Variants in DUSP14 observed in about 807,000 individuals in gnomAD.
DUSP14 encodes dual specificity phosphatase 14, also known as dual specificity protein phosphatase 14.
A neutral mutation model predicts 13.2 loss-of-function variants in DUSP14; 5 were observed. The ratio of observed to expected loss-of-function variants is 0.38; its 90% confidence interval spans 0.20 to 0.80. DUSP14 has a LOEUF of 0.80. Among genes scored for constraint, DUSP14 ranks in the 30% least tolerant of loss-of-function variants. The pLI, the probability that DUSP14 is intolerant of heterozygous loss-of-function variation, is 0.44. For missense variants in DUSP14, 185 were observed against 264.0 expected (o/e 0.70, Z 2.07); for synonymous variants, 91 against 103.4 (o/e 0.88, Z 0.73).
intron 2 of DUSP14, among the ~76,000 whole-genome samples, 164 bp downstream of exon 2, chr17:37,510,928 G>A (rs1034938113): frequency 6.6e-6 from 1 of 151,892 alleles, no homozygotes; most frequent in African/African-American, 2.4e-5. Context: ...TGAGAGGAAC[G>A]GATGTATCTA....
Position 37,495,807 on chromosome 17 carries a change from A to G in DUSP14, c.-181+5849A>G, listed in dbSNP as rs1263455333. ...CCCGAGTAGCTGGGATTACAGGCGC[A>G]TGCCACCACGCCCAGCTAATTTTTC... On this transcript the variant is annotated intron_variant, in intron 1 of 2. Coordinates refer to ENST00000617516, the MANE Select transcript of DUSP14 (RefSeq NM_007026.4). 7.2e-5 allele frequency among the ~76,000 whole-genome samples: 11 copies of G among 151,756 alleles called. No individual in the cohort carries two copies. The East Asian group carries it at 2.1e-3, about 29-fold the overall frequency.
At chr17:37,505,635 CTTTT>C (rs35707292) in intron 1 of DUSP14, among the ~76,000 whole-genome samples, 3 of 120,946 alleles carry the variant, frequency 2.5e-5, no homozygotes, top group Admixed American at 8.5e-5. Flanking sequence ...TGGTTGTCAT[CTTTT>C]TTTTTTTTTT....
At chr17:37,488,610 T>C (rs853197), upstream of DUSP14, among the ~76,000 whole-genome samples, 31,838 of 152,172 alleles carry the variant, frequency 0.21, 3,737 homozygotes, top group East Asian at 0.55. Context: ...TGTTTTCTCT[T>C]AGATTAATTT....
At chr17:37,498,681 T>G (rs530420421) in intron 1 of DUSP14, among the ~76,000 whole-genome samples, 9 of 151,878 alleles carry the variant, frequency 5.9e-5, no homozygotes, top group Admixed American at 3.9e-4. Flanking sequence ...AATCAGTTTT[T>G]TTTTTTTTTA....
chr17:37,511,929 C>A (rs200844507), intron 2 of DUSP14, among the ~76,000 whole-genome samples: 14 of 55,704 alleles, frequency 2.5e-4, no homozygotes, highest in Non-Finnish European at 3.0e-4. Flanking sequence ...CCACCCCCCC[C>A]CCACCCCACT....
intron 1 of DUSP14, among the ~76,000 whole-genome samples, chr17:37,497,560 G>A (rs1172658311): frequency 2.0e-5 from 3 of 151,696 alleles, no homozygotes; most frequent in African/African-American, 7.3e-5. Flanking sequence ...CCAGGAGTTC[G>A]AGTCCAGCCT....
Position 37,496,492 on chromosome 17 carries a change from A to G in DUSP14, c.-181+6534A>G, listed in dbSNP as rs148721482. On this transcript the variant is annotated intron_variant, in intron 1 of 2. Coordinates refer to ENST00000617516, the MANE Select transcript of DUSP14 (RefSeq NM_007026.4). Reference sequence around the variant, plus strand: ...GGTGTTAGGCCGGGCACGGTAGCTCATGCCTGTAATCCCAGCACTTTGGGA... The same window carrying G: ...GGTGTTAGGCCGGGCACGGTAGCTCGTGCCTGTAATCCCAGCACTTTGGGA... Among the ~76,000 whole-genome samples, 1,250 of 152,216 alleles carry G rather than the reference A, an allele frequency of 8.2e-3. 4 individuals carry two copies. The highest frequency in any genetic ancestry group is 0.017 in the Middle Eastern group (5 of 294).
intron 1 of DUSP14, chr17:37,491,582 G>A (rs1298592582): frequency 1.3e-5 from 2 of 152,206 alleles, no homozygotes; most frequent in Admixed American, 1.3e-4. Context: ...TTGAACGTGT[G>A]TGTCCTGAGT....
intron 1 of DUSP14, among the ~76,000 whole-genome samples, chr17:37,504,679 G>T (rs2143096856): frequency 6.6e-6 from 1 of 152,216 alleles, no homozygotes. Flanking sequence ...CCAGACTCAA[G>T]TGACCTCCTC....
At position 37,498,314 on chromosome 17, in the gene DUSP14, C is replaced by CTTTTTTTTTT. The variant is rs765033929; in HGVS notation, c.-181+8377_-181+8386dup. On this transcript the variant is annotated intron_variant, in intron 1 of 2. Coordinates refer to ENST00000617516, the MANE Select transcript of DUSP14 (RefSeq NM_007026.4). ...ACTTGTTTTGTGTACTAGATTGTAT[C>CTTTTTTTTTT]TTTTTTTTTTTTTTTTTTTTTTTTT... Among the ~76,000 whole-genome samples, 138 of 70,576 alleles carry CTTTTTTTTTT rather than the reference C, an allele frequency of 2.0e-3. 13 individuals are homozygous for CTTTTTTTTTT. The highest frequency in any genetic ancestry group is 7.7e-3 in the African/African-American group (130 of 16,952). 46.3% of individuals were successfully genotyped at this position (70,576 alleles called of 152,430 possible).
chr17:37,510,935 T>C (rs1409752412), intron 2 of DUSP14, among the ~76,000 whole-genome samples, 171 bp downstream of exon 2: 11 of 151,958 alleles, frequency 7.2e-5, no homozygotes, highest in Non-Finnish European at 1.0e-4. Flanking sequence ...AACGGATGTA[T>C]CTAAGATCTC....
Position 37,512,238 on chromosome 17 carries a change from C to A in DUSP14, c.-35C>A. 1 of 1,536,894 alleles carries A rather than the reference C, an allele frequency of 6.5e-7. No individual in the cohort carries two copies. The highest frequency in any genetic ancestry group is 8.8e-7 in the Non-Finnish European group (1 of 1,137,742). ...AGGAAAATAAAACACTCTGGTCTTGCCGCCAACGATGCAAGTGTGACTGCT... is the reference window on the plus strand; with the variant it reads ...AGGAAAATAAAACACTCTGGTCTTGACGCCAACGATGCAAGTGTGACTGCT... On this transcript the variant is annotated 5_prime_UTR_variant, in exon 3 of 3. Transcript: ENST00000617516. The surrounding 1 kb of genome is among the most constrained non-coding windows in gnomAD (Gnocchi z 4.8).
chr17:37,491,657 A>G (rs1452478044), intron 1 of DUSP14: 1 of 152,202 alleles, frequency 6.6e-6, no homozygotes, highest in Non-Finnish European at 1.5e-5. Flanking sequence ...AATTAATAGA[A>G]TGGCATAAAT....
At chr17:37,500,117 C>T (rs551208798) in intron 1 of DUSP14, among the ~76,000 whole-genome samples, 49 of 152,358 alleles carry the variant, frequency 3.2e-4, no homozygotes, top group South Asian at 1.0e-3. Flanking sequence ...CAGCTGTTTA[C>T]CTCACCCTGC....
In DUSP14 at chr17:37,509,122, TATATATACAC is replaced by T. The variant is rs1189903660; in HGVS notation, c.-180-1553_-180-1544del. On this transcript the variant is annotated intron_variant, in intron 1 of 2. Transcript: ENST00000617516. ...AAAAACCCATATATATATATATATA[TATATATACAC>T]ACACACACACACACACACACACACA... Among the ~76,000 whole-genome samples, 21 of 43,202 alleles carry T rather than the reference TATATATACAC, an allele frequency of 4.9e-4. 6 individuals carry two copies. Among genetic ancestry groups the T allele is most frequent in the African/African-American group, 1.8e-3 (18 of 9,776 alleles). The allele number at this position is 43,202 out of a possible 152,430, so 28.3% of individuals were successfully genotyped here.
intron 2 of DUSP14, among the ~76,000 whole-genome samples, chr17:37,511,906 C>T (rs12602906): frequency 0.27 from 35,540 of 132,858 alleles, 5,923 homozygotes; most frequent in East Asian, 0.76. Context: ...CATGTATGAG[C>T]CACCATGCCC....
intron 1 of DUSP14, among the ~76,000 whole-genome samples, chr17:37,497,008 C>G (rs1376093468): frequency 2.0e-5 from 3 of 151,454 alleles, no homozygotes. Flanking sequence ...CATACTTTAT[C>G]TTTTATAATG....
rs547373663 is a variant in DUSP14 at position 37,508,395 on chromosome 17, A to C, written c.-180-2282A>C. ...GCGCACAGCCCTCTGGGGGATTCTGAGGCATGCTCAGGTTTGAGAGCCCCT... is the reference window on the plus strand; with the variant it reads ...GCGCACAGCCCTCTGGGGGATTCTGCGGCATGCTCAGGTTTGAGAGCCCCT... On this transcript the variant is annotated intron_variant, in intron 1 of 2. Coordinates refer to ENST00000617516, the MANE Select transcript of DUSP14 (RefSeq NM_007026.4). Among the ~76,000 whole-genome samples, 3 of 152,314 alleles carry C rather than the reference A, an allele frequency of 2.0e-5. No homozygotes were observed. The East Asian group carries it at 5.8e-4, about 29-fold the overall frequency.
In DUSP14 at chr17:37,512,234, C is replaced by A; in HGVS notation, c.-39C>A. 1 of 1,531,570 alleles carries A rather than the reference C, an allele frequency of 6.5e-7. No homozygotes were observed. The highest frequency in any genetic ancestry group is 8.8e-7 in the Non-Finnish European group (1 of 1,134,456). 94.9% of individuals were successfully genotyped at this position (1,531,570 alleles called of 1,614,324 possible). ...GTGGAGGAAAATAAAACACTCTGGT[C>A]TTGCCGCCAACGATGCAAGTGTGAC... On this transcript the variant is annotated 5_prime_UTR_variant, in exon 3 of 3. Coordinates refer to ENST00000617516, the MANE Select transcript of DUSP14 (RefSeq NM_007026.4). The surrounding 1 kb of genome is among the most constrained non-coding windows in gnomAD (Gnocchi z 4.8).
Sources: allele counts gnomAD v4.1 joint callset (sites outside exome capture counted in the v4.1 genomes callset), GRCh38; gene constraint gnomAD v4.1.1; non-coding constraint Gnocchi (gnomAD v3.1); transcripts MANE v1.5; gene names NCBI Gene and HGNC (gene_info 2026-07-23, HGNC 2026-07-21).